NRG1: variants seen among roughly 807,000 people sequenced by gnomAD.
The protein encoded by NRG1 is pro-neuregulin-1, membrane-bound isoform.
A neutral mutation model predicts 63.8 loss-of-function variants in NRG1; 18 were observed. The ratio of observed to expected loss-of-function variants is 0.28; its 90% CI spans 0.19 to 0.42. The LOEUF (loss-of-function observed/expected upper bound fraction) is 0.42. Ranked by LOEUF, NRG1 falls within the 10% of genes least tolerant of loss-of-function variation. The pLI, the probability that NRG1 is intolerant of heterozygous loss-of-function variation, is 1.00. For missense variants in NRG1, 762 were observed against 814.7 expected (o/e 0.94, Z 0.79); for synonymous variants, 302 against 301.3 (o/e 1.00, Z -0.02).
At chr8:32,719,568 T>C (rs956166705) in intron 5 of NRG1, among the ~76,000 whole-genome samples, 1 of 152,136 alleles carries the variant, frequency 6.6e-6, no homozygotes, top group African/African-American at 2.4e-5. Flanking sequence ...CTTAATATTA[T>C]TATTCATTAT....
At chr8:32,419,913 C>G (rs1044745181) in intron 1 of NRG1, among the ~76,000 whole-genome samples, 3 of 152,158 alleles carry the variant, frequency 2.0e-5, no homozygotes, top group Non-Finnish European at 4.4e-5. Context: ...TCCCTTCACA[C>G]CCTGTTTATA....
intron 1 of NRG1, among the ~76,000 whole-genome samples, chr8:32,076,978 A>G (rs1826665847): frequency 6.6e-6 from 1 of 152,200 alleles, no homozygotes. Context: ...AGTAAGATTA[A>G]TCTACAACCC....
intron 1 of NRG1, among the ~76,000 whole-genome samples, chr8:32,133,003 C>T (rs150640864): frequency 6.6e-6 from 1 of 151,756 alleles, no homozygotes; most frequent in Admixed American, 6.6e-5. Flanking sequence ...ACTCCTCCCC[C>T]CTTTCCCCCC....
intron 1 of NRG1, among the ~76,000 whole-genome samples, chr8:31,756,669 C>T (rs1816996081): frequency 6.6e-6 from 1 of 152,086 alleles, no homozygotes. Context: ...GTTTTATTTC[C>T]CTTTTACTAC....
At chr8:32,463,529 A>C (rs1475927389) in intron 1 of NRG1, among the ~76,000 whole-genome samples, 1 of 152,112 alleles carries the variant, frequency 6.6e-6, no homozygotes, top group Non-Finnish European at 1.5e-5. Context: ...TAAATTATGA[A>C]TGGGAAAAAT....
intron 1 of NRG1, among the ~76,000 whole-genome samples, chr8:31,718,582 AT>A (rs1812595939): frequency 6.6e-6 from 1 of 152,180 alleles, no homozygotes; most frequent in Admixed American, 6.5e-5. Context: ...GATTGTTTTT[AT>A]CTCTTGATAC....
At chr8:31,709,021 T>A (rs1332692021) in intron 1 of NRG1, among the ~76,000 whole-genome samples, 1 of 152,166 alleles carries the variant, frequency 6.6e-6, no homozygotes, top group African/African-American at 2.4e-5. Context: ...TTCTTAAATT[T>A]TTCTATATTT....
chr8:32,196,921 C>T (rs1448231103), intron 1 of NRG1, among the ~76,000 whole-genome samples: 1 of 126,860 alleles, frequency 7.9e-6, no homozygotes, highest in African/African-American at 2.9e-5. Context: ...TGGTTTTCTA[C>T]CAGGCCTGTT....
intron 1 of NRG1, among the ~76,000 whole-genome samples, chr8:32,008,416 T>C (rs1049920146): frequency 6.6e-6 from 1 of 152,044 alleles, no homozygotes; most frequent in Admixed American, 6.6e-5. Context: ...ACTTCTTCTT[T>C]GCCACTGCTA....
Position 31,776,822 on chromosome 8 carries a change from A to G in NRG1, c.37+137391A>G, listed in dbSNP as rs543065111. On this transcript the variant is annotated intron_variant, in intron 1 of 10. Transcript: ENST00000519301. ...TTTGTCCTTGCGATAGTTTGCTGAGAATGATGGTTTCCAGCTTCATCCATG... is the reference window on the plus strand; with the variant it reads ...TTTGTCCTTGCGATAGTTTGCTGAGGATGATGGTTTCCAGCTTCATCCATG... 2.6e-5 allele frequency among the ~76,000 whole-genome samples: 4 copies of G among 152,126 alleles called. No individual in the cohort carries two copies. The South Asian group carries it at 8.3e-4, about 32-fold the overall frequency.
At chr8:31,752,631 A>G (rs1013578246) in intron 1 of NRG1, among the ~76,000 whole-genome samples, 8 of 152,040 alleles carry the variant, frequency 5.3e-5, no homozygotes, top group African/African-American at 1.9e-4. Flanking sequence ...TTGCCAATGG[A>G]TTGAAAATCG....
intron 6 of NRG1, among the ~76,000 whole-genome samples, chr8:32,732,799 CTTTTTTTTTTTT>C (rs1173388613): frequency 2.4e-5 from 2 of 83,344 alleles, no homozygotes; most frequent in Admixed American, 1.7e-4. Flanking sequence ...TGTTTAATTT[CTTTTTTTTTTTT>C]TTTTTTTTTT....
intron 1 of NRG1, among the ~76,000 whole-genome samples, chr8:32,108,449 G>A (rs960256160): frequency 6.6e-6 from 1 of 152,140 alleles, no homozygotes; most frequent in Non-Finnish European, 1.5e-5. Context: ...ACACTGCCAA[G>A]CCTCTTTTAT....
At chr8:32,762,081 G>A (rs1830820441) in intron 11 of NRG1, among the ~76,000 whole-genome samples, 1 of 148,434 alleles carries the variant, frequency 6.7e-6, no homozygotes, top group Non-Finnish European at 1.5e-5. Context: ...TTGCAAGCCT[G>A]TTGGTTACTT....
chr8:31,802,722 C>T (rs1174001300), intron 1 of NRG1, among the ~76,000 whole-genome samples: 1 of 152,028 alleles, frequency 6.6e-6, no homozygotes, highest in East Asian at 1.9e-4. Flanking sequence ...AGCTATAAAC[C>T]CAGGACCAAG....
chr8:32,144,286 C>T (rs1436122188), intron 1 of NRG1, among the ~76,000 whole-genome samples: 2 of 152,186 alleles, frequency 1.3e-5, no homozygotes, highest in East Asian at 3.9e-4. Flanking sequence ...TGGTTGAGCC[C>T]AGACGATCAT....
chr8:32,125,707 C>A (rs770760629), intron 1 of NRG1, among the ~76,000 whole-genome samples: 1 of 151,870 alleles, frequency 6.6e-6, no homozygotes, highest in Non-Finnish European at 1.5e-5. Context: ...TCCATCACTA[C>A]CTCTTGTTTC....
chr8:32,374,568 A>G (rs2129482944), intron 1 of NRG1, among the ~76,000 whole-genome samples: 1 of 152,262 alleles, frequency 6.6e-6, no homozygotes, highest in South Asian at 2.1e-4. Context: ...AATGACTGTG[A>G]AGTCCTTTGG....
intron 1 of NRG1, among the ~76,000 whole-genome samples, chr8:31,814,024 A>T (rs1004680799): frequency 6.6e-6 from 1 of 152,174 alleles, no homozygotes; most frequent in Non-Finnish European, 1.5e-5. Flanking sequence ...TTGAAACACT[A>T]TTCAAAAGCA....
Sources: allele counts gnomAD v4.1 joint callset (sites outside exome capture counted in the v4.1 genomes callset), GRCh38; gene constraint gnomAD v4.1.1; transcripts MANE v1.5; gene names NCBI Gene and HGNC (gene_info 2026-07-23, HGNC 2026-07-21).